CCDC7: variants seen among roughly 807,000 people sequenced by gnomAD.
CCDC7 encodes the protein coiled-coil domain containing 7.
Under a neutral mutation model 196.9 loss-of-function variants are expected in CCDC7, and 183 were observed. The observed-to-expected ratio is 0.93, with a 90% CI of 0.82 to 1.05. CCDC7 has a LOEUF of 1.05. Among genes scored for constraint, CCDC7 ranks in the 50% least tolerant of loss-of-function variants. The pLI is 0.00. For synonymous variants in CCDC7, 525 were observed against 484.6 expected (o/e 1.08, Z -1.10); for missense variants, 1,540 against 1,482.2 (o/e 1.04, Z -0.64).
At position 32,454,399 on chromosome 10, in the gene CCDC7, A is replaced by G. The variant is rs552621400; in HGVS notation, c.372+963A>G. Among the ~76,000 whole-genome samples, 4 of 152,308 alleles carry G rather than the reference A, an allele frequency of 2.6e-5. No individual in the cohort carries two copies. In the East Asian group the frequency reaches 7.7e-4, roughly 29 times the overall value. On this transcript the variant is annotated intron_variant, in intron 2 of 41. Transcript: ENST00000639629. Reference sequence around the variant, plus strand: ...AAACTAAAATCTGAAATTGAAGTCCAATAGAAACTGGGATGACTAGAGGTG... The same window carrying G: ...AAACTAAAATCTGAAATTGAAGTCCGATAGAAACTGGGATGACTAGAGGTG...
chr10:32,486,013 C>G (rs1329265102), intron 8 of CCDC7, among the ~76,000 whole-genome samples: 3 of 152,156 alleles, frequency 2.0e-5, no homozygotes, highest in Non-Finnish European at 4.4e-5. Context: ...TCTATTAGGT[C>G]CACTTGGTGC....
chr10:32,789,374 C>G (rs1367343544), intron 29 of CCDC7, among the ~76,000 whole-genome samples: 1 of 151,706 alleles, frequency 6.6e-6, no homozygotes, highest in Non-Finnish European at 1.5e-5. Context: ...AAAATGAACT[C>G]AATAAAGAGA....
chr10:32,626,907 G>A (rs1381710510), intron 18 of CCDC7, among the ~76,000 whole-genome samples: 1 of 151,840 alleles, frequency 6.6e-6, no homozygotes, highest in Non-Finnish European at 1.5e-5. Context: ...CCATTGGTTG[G>A]TGTGTCTACT....
At chr10:32,771,826 A>C (rs531195265) in intron 28 of CCDC7, among the ~76,000 whole-genome samples, 1 of 152,322 alleles carries the variant, frequency 6.6e-6, no homozygotes. Context: ...TGGTGCAGGC[A>C]GTAGTGATAG....
At chr10:32,635,217 T>A in intron 20 of CCDC7, 59 bp downstream of exon 21, 1 of 395,032 alleles carries the variant, frequency 2.5e-6, no homozygotes, top group Non-Finnish European at 4.5e-6. Context: ...ACAGCTTTTT[T>A]TATGGTTCAT....
At chr10:32,722,583 A>G (rs1307829667) in intron 25 of CCDC7, among the ~76,000 whole-genome samples, 1 of 152,038 alleles carries the variant, frequency 6.6e-6, no homozygotes, top group Non-Finnish European at 1.5e-5. Flanking sequence ...CTCTGCCTTC[A>G]ATTTCACATG....
intron 19 of CCDC7, among the ~76,000 whole-genome samples, chr10:32,634,684 T>G (rs1313014306): frequency 6.6e-6 from 1 of 152,206 alleles, no homozygotes; most frequent in Non-Finnish European, 1.5e-5. Context: ...TGTGAGCCAC[T>G]GCACTTGGCC....
intron 24 of CCDC7, among the ~76,000 whole-genome samples, chr10:32,708,250 A>C (rs1011454558): frequency 6.6e-6 from 1 of 152,146 alleles, no homozygotes; most frequent in Non-Finnish European, 1.5e-5. Context: ...AAATGGTGCT[A>C]GGAAAACTGG....
At chr10:32,747,439 A>T (rs2133349892) in intron 28 of CCDC7, among the ~76,000 whole-genome samples, 2 of 152,282 alleles carry the variant, frequency 1.3e-5, no homozygotes, top group South Asian at 4.1e-4. Flanking sequence ...GACCTATAGA[A>T]TGGGAGAGAA....
chr10:32,555,571 C>T (rs1170867639), intron 13 of CCDC7, among the ~76,000 whole-genome samples: 1 of 151,998 alleles, frequency 6.6e-6, no homozygotes, highest in East Asian at 1.9e-4. Context: ...GGAGAGGACA[C>T]ATTCTGTAAG....
chr10:32,615,758 C>G lies in CCDC7; in HGVS notation c.1802-18496C>G, dbSNP rs371676472. 3.9e-5 allele frequency among the ~76,000 whole-genome samples: 6 copies of G among 152,112 alleles called. No homozygotes were observed. The East Asian group carries it at 1.2e-3, about 29-fold the overall frequency. On this transcript the variant is annotated intron_variant, in intron 18 of 41. Coordinates refer to ENST00000639629, the Ensembl canonical transcript of CCDC7. The stretch of plus-strand genomic sequence containing the variant: ...ATAAATTCTCTGCTTAAGTCAATGT[C>G]CAGAAGAGTTTTTCCTAGGTTTCTT...
chr10:32,562,644 G>A (rs937078517), intron 13 of CCDC7, among the ~76,000 whole-genome samples: 39 of 152,184 alleles, frequency 2.6e-4, no homozygotes, highest in Middle Eastern at 3.4e-3. Context: ...TTGATGGGAC[G>A]TATCTCAAAA....
intron 8 of CCDC7, among the ~76,000 whole-genome samples, chr10:32,488,670 T>C (rs935405453): frequency 2.6e-5 from 4 of 152,228 alleles, no homozygotes; most frequent in African/African-American, 9.6e-5. Context: ...TTCTGTATGA[T>C]TTCTATCACT....
At chr10:32,559,835 G>A (rs139499486) in intron 13 of CCDC7, among the ~76,000 whole-genome samples, 13,537 of 152,244 alleles carry the variant, frequency 0.089, 863 homozygotes, top group East Asian at 0.33. Context: ...TGACTTTGAC[G>A]AGTTGAGAGA....
At chr10:32,658,145 T>G (rs2140306538) in intron 20 of CCDC7, among the ~76,000 whole-genome samples, 1 of 152,342 alleles carries the variant, frequency 6.6e-6, no homozygotes, top group South Asian at 2.1e-4. Context: ...TCCTCCAAAC[T>G]GCTCCAACCT....
intron 28 of CCDC7, among the ~76,000 whole-genome samples, chr10:32,745,126 A>G (rs2074492550): frequency 6.6e-6 from 1 of 152,194 alleles, no homozygotes; most frequent in Non-Finnish European, 1.5e-5. Flanking sequence ...TTGGTTGACC[A>G]TATTTGTGTG....
Position 32,687,832 on chromosome 10 carries a change from A to G in CCDC7, c.2234-1221A>G, listed in dbSNP as rs538028815. ...CACTGTGATGGGTAGAGGAAATAGC[A>G]CATGTGTTATAGGTATCGTCACCAT... is the stretch of plus-strand genomic sequence containing the variant. On this transcript the variant is annotated intron_variant, in intron 22 of 41. Coordinates refer to ENST00000639629, the Ensembl canonical transcript of CCDC7. Among the ~76,000 whole-genome samples, 10 of 152,294 alleles carry G rather than the reference A, an allele frequency of 6.6e-5. No individual in the cohort carries two copies. The South Asian group carries it at 2.1e-3, about 32-fold the overall frequency.
chr10:32,721,098 G>GA (rs372611497), intron 25 of CCDC7, among the ~76,000 whole-genome samples: 69 of 145,092 alleles, frequency 4.8e-4, no homozygotes, highest in African/African-American at 1.4e-3. Context: ...GTCTCCAAAA[G>GA]AAAAAAAAAA....
Position 32,532,446 on chromosome 10 carries a change from G to A in CCDC7, c.994-10854G>A, listed in dbSNP as rs372329156. ...TGCATTTGTTAAGATTTGTTTGGTA[G>A]CCTAAGATATGGTCTATCCTGGAGA... On this transcript the variant is annotated intron_variant, in intron 11 of 41. Coordinates refer to ENST00000639629, the Ensembl canonical transcript of CCDC7. Among the ~76,000 whole-genome samples, 39 of 152,260 alleles carry A rather than the reference G, an allele frequency of 2.6e-4. No homozygotes were observed. The East Asian group carries it at 7.1e-3, about 28-fold the overall frequency.
Sources: gnomAD v4.1 joint callset for allele counts (sites outside exome capture counted in the v4.1 genomes callset) on GRCh38, gnomAD v4.1.1 for gene constraint, MANE v1.5 for transcripts, NCBI Gene and HGNC (gene_info 2026-07-23, HGNC 2026-07-21) for gene names.